Variants in PRDM1 observed in about 807,000 individuals in gnomAD.
PRDM1 encodes PR/SET domain 1, also known as PR domain zinc finger protein 1.
In PRDM1, 13 loss-of-function variants were observed where a neutral mutation model predicts 62.8. The ratio of observed to expected loss-of-function variants is 0.21; its 90% CI spans 0.13 to 0.33. PRDM1 has a LOEUF of 0.33. PRDM1 is among the 10% of genes least tolerant of loss of function. The probability of loss-of-function intolerance (pLI) is 1.00; values close to 1 mark genes in which losing one functional copy is unlikely to be tolerated. For missense variants in PRDM1, 895 were observed against 1,058.8 expected (o/e 0.85, Z 2.15); for synonymous variants, 396 against 417.6 (o/e 0.95, Z 0.63).
At chr6:106,061,898 T>TA (rs1773350618) in intron 1 of PRDM1, among the ~76,000 whole-genome samples, 1 of 152,220 alleles carries the variant, frequency 6.6e-6, no homozygotes, top group African/African-American at 2.4e-5. Context: ...TGACAGACTT[T>TA]AAAGCACCAT....
At chr6:106,016,811 G>A (rs1456336026) in intron 1 of PRDM1, among the ~76,000 whole-genome samples, 1 of 151,834 alleles carries the variant, frequency 6.6e-6, no homozygotes, top group Non-Finnish European at 1.5e-5. Context: ...CCATGCCCAT[G>A]CCCAGCTAAT....
Position 106,105,830 on chromosome 6 carries a change from C to G in PRDM1, c.1670C>G (p.Thr557Ser). The G allele has an allele frequency of 6.2e-7, 1 of 1,614,204 alleles. No homozygotes were observed. The change falls in exon 5 of 7, where the codon ACC (threonine) becomes AGC (serine). Residue 557 changes from threonine (T) to serine (S), a missense_variant. Thr to Ser is a moderately conservative substitution (Grantham distance 58). Coordinates refer to ENST00000369096, the MANE Select transcript of PRDM1 (RefSeq NM_001198.4). ...CTCATTAAAAACAAAAGAAACATGA[C>G]CGGCTACAAGACCCTTCCCTACCCG... is the stretch of plus-strand genomic sequence containing the variant. ...MNLIKNKRNM[T>S]GYKTLPYPLK...
intron 1 of PRDM1, among the ~76,000 whole-genome samples, chr6:106,020,273 C>T (rs1482333977): frequency 2.0e-5 from 3 of 151,286 alleles, no homozygotes; most frequent in South Asian, 2.1e-4. Flanking sequence ...GTATGCCAGG[C>T]GGTTTACATT....
rs994700759 is a variant in PRDM1 at position 106,034,386 on chromosome 6, G to A, written c.-67+40747G>A. 3.3e-5 allele frequency among the ~76,000 whole-genome samples: 5 copies of A among 151,940 alleles called. No individual in the cohort carries two copies. In the East Asian group the frequency reaches 5.8e-4, roughly 18 times the overall value. The stretch of plus-strand genomic sequence containing the variant: ...TTTCTTATTTTTGTTTGTGTTTATA[G>A]CTAAAAATTTTCCCCCTTAGCAATG... On this transcript the variant is annotated intron_variant, in intron 1 of 6. Coordinates refer to the PRDM1 transcript ENST00000652320.
intron 2 of PRDM1, among the ~76,000 whole-genome samples, chr6:106,094,774 A>G (rs1246519142): frequency 6.6e-6 from 1 of 151,886 alleles, no homozygotes; most frequent in Non-Finnish European, 1.5e-5. Flanking sequence ...GTGATGGTGC[A>G]TGCCTGTAGT....
rs560189488 is a variant in PRDM1 at position 106,071,167 on chromosome 6, G to C, written c.-66-17034G>C. 3.3e-5 allele frequency among the ~76,000 whole-genome samples: 5 copies of C among 152,132 alleles called. No homozygotes were observed. The South Asian group carries it at 8.3e-4, about 25-fold the overall frequency. ...GGCACCTGTAATCCCAGCTACTTGT[G>C]GGGGCTGAGGCAGGAGAATTGCTTG... On this transcript the variant is annotated intron_variant, in intron 1 of 6. Transcript: ENST00000651185.
At chr6:106,033,198 G>C (rs1772874405) in intron 1 of PRDM1, among the ~76,000 whole-genome samples, 1 of 151,860 alleles carries the variant, frequency 6.6e-6, no homozygotes, top group Non-Finnish European at 1.5e-5. Flanking sequence ...GAAGTGCAGT[G>C]GCACAATCAT....
Position 106,053,170 on chromosome 6 carries a change from C to T in PRDM1, c.-67+4456C>T, listed in dbSNP as rs146988540. Among the ~76,000 whole-genome samples the T allele has an allele frequency of 5.5e-4, 83 of 152,152 alleles. No individual in the cohort carries two copies. In the East Asian group the frequency reaches 9.5e-3, roughly 17 times the overall value. On this transcript the variant is annotated intron_variant, in intron 1 of 6. Coordinates refer to the PRDM1 transcript ENST00000651185. Reference sequence around the variant, plus strand: ...ACTCAATTTCATTTCTGCCTTCATCCGATAATTTTTATTTACACTGGTTTA... The same window carrying T: ...ACTCAATTTCATTTCTGCCTTCATCTGATAATTTTTATTTACACTGGTTTA...
chr6:106,104,513 G>A (rs1489887946), intron 4 of PRDM1, among the ~76,000 whole-genome samples: 3 of 152,186 alleles, frequency 2.0e-5, no homozygotes, highest in Non-Finnish European at 4.4e-5. Context: ...ATCCAGCTTA[G>A]GCTATCTTAC....
chr6:106,016,318 T>C (rs188654270), intron 1 of PRDM1, among the ~76,000 whole-genome samples: 2,002 of 152,280 alleles, frequency 0.013, 27 homozygotes, highest in Middle Eastern at 0.041. Context: ...TGTTTTATAC[T>C]TATGATGTAT....
intron 1 of PRDM1, among the ~76,000 whole-genome samples, chr6:106,014,058 A>ATTTTTTT (rs71006664): frequency 3.8e-5 from 4 of 105,100 alleles, no homozygotes; most frequent in Non-Finnish European, 7.3e-5. Context: ...AGGACAAGGA[A>ATTTTTTT]TTTTTTTTTT....
chr6:106,099,616 T>A (rs1313421916), intron 4 of PRDM1, 64 bp downstream of exon 4: 1 of 1,576,462 alleles, frequency 6.3e-7, no homozygotes, highest in African/African-American at 1.4e-5. Flanking sequence ...CCCTTTGAAC[T>A]AATAACATGT....
In PRDM1 at chr6:106,108,862, AT is replaced by A. The variant is rs558690724; in HGVS notation, c.*1379del. 6.8e-4 allele frequency: 157 copies of A among 232,220 alleles called. No homozygotes were observed. The South Asian group carries it at 0.011, about 16-fold the overall frequency. 14.4% of individuals were successfully genotyped at this position (232,220 alleles called of 1,614,324 possible). A position where few individuals can be genotyped will look rare whatever the true frequency, so the allele number is the denominator to read the frequency against. ...GCAGGAAATGATGTCTTATCTAATG[AT>A]TTGCTTCTCTAGAGGAGAAACCGAG... On this transcript the variant is annotated 3_prime_UTR_variant, in exon 7 of 7. Coordinates refer to ENST00000369096, the MANE Select transcript of PRDM1 (RefSeq NM_001198.4).
Position 106,107,677 on chromosome 6 carries a change from C to CATATATATATATATATATATATAT in PRDM1, c.*213_*214insATATATATATATATATATATATAT. 2 of 199,010 alleles carry CATATATATATATATATATATATAT rather than the reference C, an allele frequency of 1.0e-5. No individual in the cohort carries two copies. Among genetic ancestry groups the CATATATATATATATATATATATAT allele is most frequent in the East Asian group, 8.5e-5 (1 of 11,752 alleles). 12.3% of individuals were successfully genotyped at this position (199,010 alleles called of 1,614,324 possible). On this transcript the variant is annotated 3_prime_UTR_variant, in exon 7 of 7. Transcript: ENST00000369096. ...CTCAGGGCATGAACAAGGCAAAGGC[C>CATATATATATATATATATATATAT]ATATATATATATATATATATATCTG...
At chr6:106,047,031 A>G (rs1445439389), upstream of PRDM1, among the ~76,000 whole-genome samples, 1 of 152,224 alleles carries the variant, frequency 6.6e-6, no homozygotes, top group Non-Finnish European at 1.5e-5. Context: ...GACTCACTTA[A>G]GAGATTGGTG....
intron 1 of PRDM1, among the ~76,000 whole-genome samples, chr6:106,000,216 A>G (rs566689929): frequency 1.3e-5 from 2 of 152,338 alleles, no homozygotes; most frequent in East Asian, 1.9e-4. Context: ...TATCTCCAAT[A>G]TACTTATTTC....
chr6:106,072,248 A>C (rs1322396303), intron 1 of PRDM1: 1 of 152,232 alleles, frequency 6.6e-6, no homozygotes, highest in East Asian at 1.9e-4. Flanking sequence ...TAAGGAAAAA[A>C]TTCACATTCT....
rs1774551705 is a variant in PRDM1 at position 106,107,940 on chromosome 6, T to A, written c.*454T>A. On this transcript the variant is annotated 3_prime_UTR_variant, in exon 7 of 7. Transcript: ENST00000369096. Reference sequence around the variant, plus strand: ...TCCTTGTAATTTGAGTATAAATGTATTTTTGTCTTGTGGCCATTCTTTGTA... The same window carrying A: ...TCCTTGTAATTTGAGTATAAATGTAATTTTGTCTTGTGGCCATTCTTTGTA... 1 of 232,444 alleles carries A rather than the reference T, an allele frequency of 4.3e-6. No individual in the cohort carries two copies. The highest frequency in any genetic ancestry group is 8.5e-6 in the Non-Finnish European group (1 of 117,390). 14.4% of individuals were successfully genotyped at this position (232,444 alleles called of 1,614,324 possible). A position where few individuals can be genotyped will look rare whatever the true frequency, so the allele number is the denominator to read the frequency against.
rs2114652532 is a variant in PRDM1, at chr6:106,105,119, G to C, written c.959G>C (p.Arg320Thr). Residue 320 changes from arginine to threonine, a missense_variant, in exon 5 of 7, where the codon AGA becomes ACA. Arg to Thr is a moderately conservative substitution (Grantham distance 71). Around this residue, in one of 4 missense-constraint regions of PRDM1, gnomAD observed 444 missense variants for 422.7 expected, o/e 1.05. Transcript: ENST00000369096. Reference protein sequence around the residue: ...LKASLAYGIERPTYITRSPIP... With the variant: ...LKASLAYGIETPTYITRSPIP... ...GCTTCCCTGGCCTACGGGATCGAGAGACCCACGTACATCACTCGCTCCCCC... is the reference window on the plus strand; with the variant it reads ...GCTTCCCTGGCCTACGGGATCGAGACACCCACGTACATCACTCGCTCCCCC... 2 of 1,613,924 alleles carry C rather than the reference G, an allele frequency of 1.2e-6. No individual in the cohort carries two copies. Among genetic ancestry groups the C allele is most frequent in the Non-Finnish European group, 1.7e-6 (2 of 1,179,978 alleles).
Sources: gnomAD v4.1 joint callset for allele counts (sites outside exome capture counted in the v4.1 genomes callset) on GRCh38, gnomAD v4.1.1 for gene constraint, gnomAD v4.1.1 regional missense constraint, MANE v1.5 for transcripts, NCBI Gene and HGNC (gene_info 2026-07-23, HGNC 2026-07-21) for gene names.